Variants in RAPGEF5 observed in about 807,000 individuals in gnomAD.
The protein encoded by RAPGEF5 is Rap guanine nucleotide exchange factor 5.
RAPGEF5 carries 65 observed loss-of-function variants against 125.2 expected under a neutral mutation model. That is an observed-to-expected ratio of 0.52 (90% CI 0.43 to 0.64). The LOEUF is 0.64. RAPGEF5 is among the 30% of genes least tolerant of loss of function. The pLI, the probability that RAPGEF5 is intolerant of heterozygous loss-of-function variation, is 0.00. For missense variants in RAPGEF5, 958 were observed against 1,048.1 expected (o/e 0.91, Z 1.19); for synonymous variants, 391 against 385.9 (o/e 1.01, Z -0.16).
At chr7:22,286,077 G>C (rs931962111) in intron 6 of RAPGEF5, among the ~76,000 whole-genome samples, 2 of 152,170 alleles carry the variant, frequency 1.3e-5, no homozygotes, top group Admixed American at 6.5e-5. Flanking sequence ...CACCCAATTT[G>C]TAATTTTAAT....
intron 5 of RAPGEF5, among the ~76,000 whole-genome samples, chr7:22,299,560 A>C (rs1783148088): frequency 6.6e-6 from 1 of 152,196 alleles, no homozygotes; most frequent in African/African-American, 2.4e-5. Flanking sequence ...TTTTATCTAA[A>C]TATCTACCAC....
At chr7:22,305,040 C>G (rs1472220821) in intron 5 of RAPGEF5, among the ~76,000 whole-genome samples, 3 of 152,118 alleles carry the variant, frequency 2.0e-5, no homozygotes, top group Admixed American at 1.3e-4. Flanking sequence ...GAATGATCCC[C>G]ATAACTTGTG....
intron 1 of RAPGEF5, 132 bp downstream of exon 1, chr7:22,356,698 C>A (rs987583055): frequency 4.9e-6 from 2 of 407,354 alleles, no homozygotes; most frequent in African/African-American, 2.2e-5. Flanking sequence ...CCTCTTCAGC[C>A]GAGTCCGGCA....
rs1158149203 is a variant in RAPGEF5 at position 22,155,435 on chromosome 7, A to T, written c.1637-831T>A. 3.3e-5 allele frequency among the ~76,000 whole-genome samples: 5 copies of T among 152,238 alleles called. No homozygotes were observed. In the East Asian group the frequency reaches 9.6e-4, roughly 29 times the overall value. On this transcript the variant is annotated intron_variant, in intron 16 of 25. Coordinates refer to ENST00000665637, the MANE Select transcript of RAPGEF5 (RefSeq NM_012294.5). Reference sequence around the variant, plus strand: ...GTATAAAATGCACTAGCTTCTTTCAAATAGACAGAAGGACAATAATATACT... The same window carrying T: ...GTATAAAATGCACTAGCTTCTTTCATATAGACAGAAGGACAATAATATACT...
chr7:22,312,091 T>C (rs1170890292), intron 3 of RAPGEF5, among the ~76,000 whole-genome samples: 1 of 152,260 alleles, frequency 6.6e-6, no homozygotes, highest in African/African-American at 2.4e-5. Context: ...TCACAGGTGA[T>C]ATGGAAGAAG....
At chr7:22,292,438 C>G (rs1244766597) in intron 5 of RAPGEF5, among the ~76,000 whole-genome samples, 1 of 152,222 alleles carries the variant, frequency 6.6e-6, no homozygotes. Context: ...TGTCAAATAA[C>G]TTAAGCGCTC....
intron 9 of RAPGEF5, among the ~76,000 whole-genome samples, chr7:22,219,533 A>G (rs1308298247): frequency 1.3e-5 from 2 of 151,670 alleles, no homozygotes; most frequent in African/African-American, 2.4e-5. Flanking sequence ...CATGTTCTAC[A>G]AACTATATGA....
intron 12 of RAPGEF5, among the ~76,000 whole-genome samples, chr7:22,164,641 T>C (rs1374873849): frequency 6.6e-6 from 1 of 152,224 alleles, no homozygotes; most frequent in East Asian, 1.9e-4. Flanking sequence ...CGGTTAAATT[T>C]GCATTTGTAT....
chr7:22,275,448 T>C (rs1179095870), intron 6 of RAPGEF5, among the ~76,000 whole-genome samples: 2 of 152,158 alleles, frequency 1.3e-5, no homozygotes, highest in Non-Finnish European at 2.9e-5. Context: ...ACTTCAAGTA[T>C]TTCAAAGTCT....
intron 7 of RAPGEF5, among the ~76,000 whole-genome samples, chr7:22,241,252 T>C (rs1486815898): frequency 1.3e-5 from 2 of 152,242 alleles, no homozygotes; most frequent in African/African-American, 4.8e-5. Context: ...TTTTTGTTTC[T>C]GAATTGTCAG....
chr7:22,300,351 T>G (rs979704705), intron 5 of RAPGEF5, among the ~76,000 whole-genome samples: 6 of 152,242 alleles, frequency 3.9e-5, no homozygotes, highest in African/African-American at 1.4e-4. Context: ...CCTCTATTCA[T>G]TTGAAACTTG....
chr7:22,149,633 C>T (rs927675199), intron 18 of RAPGEF5, among the ~76,000 whole-genome samples: 7 of 152,136 alleles, frequency 4.6e-5, no homozygotes, highest in African/African-American at 1.4e-4. Flanking sequence ...TCTTCAGTGG[C>T]AGCTGACGTC....
chr7:22,162,417 G>T lies in RAPGEF5; in HGVS notation c.1408C>A (p.His470Asn). Residue 470 changes from histidine to asparagine, a missense_variant, in exon 13 of 26, where the codon CAT (histidine) becomes AAT (asparagine). Coordinates refer to ENST00000665637, the MANE Select transcript of RAPGEF5 (RefSeq NM_012294.5). Reference protein sequence around the residue: ...LYKDWLPEDEHSKMFLKTIYR... With the variant: ...LYKDWLPEDENSKMFLKTIYR... The stretch of plus-strand genomic sequence containing the variant: ...ATTACCTTTAAAAACATTTTTGAAT[G>T]TTCATCTTCAGGTAACCAGTCTTTG... The T allele has an allele frequency of 6.3e-7, 1 of 1,589,998 alleles. No homozygotes were observed. Among genetic ancestry groups the T allele is most frequent in the Non-Finnish European group, 8.6e-7 (1 of 1,159,432 alleles).
At chr7:22,158,340 G>A (rs561069526) in intron 14 of RAPGEF5, among the ~76,000 whole-genome samples, 70 of 152,160 alleles carry the variant, frequency 4.6e-4, no homozygotes, top group Non-Finnish European at 8.1e-4. Flanking sequence ...TCTCTGTGTG[G>A]TGGAACTGGG....
In RAPGEF5 at chr7:22,145,102, A is replaced by G. The variant is rs868219407; in HGVS notation, c.2128T>C (p.Cys710Arg). 4.3e-6 allele frequency: 7 copies of G among 1,613,900 alleles called. No individual in the cohort carries two copies. Among genetic ancestry groups the G allele is most frequent in the Non-Finnish European group, 4.2e-6 (5 of 1,179,828 alleles). Reference protein sequence around the residue: ...QLWVATEILLCSQLGKRVQLV... With the variant: ...QLWVATEILLRSQLGKRVQLV... ...TGCACTCGCTTGCCCAGCTGGCTGC[A>G]GAGCAGAATCTCCGTGGCCACCCAA... The change falls in exon 20 of 26, where the codon TGC (cysteine) becomes CGC (arginine). Residue 710 changes from cysteine (C) to arginine (R), a missense_variant. By Grantham distance (180) the Cys-to-Arg change is radical. Transcript: ENST00000665637.
intron 17 of RAPGEF5, among the ~76,000 whole-genome samples, chr7:22,152,963 C>T (rs1783677102): frequency 6.6e-6 from 1 of 152,164 alleles, no homozygotes; most frequent in Non-Finnish European, 1.5e-5. Flanking sequence ...CATTACAACG[C>T]TATTGCCCAT....
intron 11 of RAPGEF5, among the ~76,000 whole-genome samples, chr7:22,171,090 T>A (rs566821111): frequency 6.0e-4 from 91 of 151,974 alleles, no homozygotes; most frequent in Middle Eastern, 6.8e-3. Context: ...AATACTATAA[T>A]CAAAGTGATG....
chr7:22,314,776 A>C (rs762092059), intron 3 of RAPGEF5: 10 of 325,926 alleles, frequency 3.1e-5, no homozygotes, highest in Admixed American at 1.3e-4. Context: ...TTTTCTTTAA[A>C]TTGTTCCATA....
intron 9 of RAPGEF5, among the ~76,000 whole-genome samples, chr7:22,196,860 G>A (rs577613186): frequency 1.3e-5 from 2 of 152,322 alleles, no homozygotes; most frequent in African/African-American, 4.8e-5. Context: ...CTGGACAAAG[G>A]TCAAGGGTAG....
Sources: gnomAD v4.1 joint callset for allele counts (sites outside exome capture counted in the v4.1 genomes callset) on GRCh38, gnomAD v4.1.1 for gene constraint, MANE v1.5 for transcripts, NCBI Gene and HGNC (gene_info 2026-07-23, HGNC 2026-07-21) for gene names.